Variants in PNPLA7 observed in about 807,000 individuals in gnomAD.
The protein encoded by PNPLA7 is patatin like domain 7, lysophospholipase.
Under a neutral mutation model 161.7 loss-of-function variants are expected in PNPLA7, and 153 were observed. The ratio of observed to expected loss-of-function variants is 0.95; its 90% CI spans 0.83 to 1.08. PNPLA7 has a LOEUF of 1.08. Ranked by LOEUF, PNPLA7 falls within the 50% of genes least tolerant of loss-of-function variation. The pLI is 0.00. For missense variants in PNPLA7, 1,739 were observed against 1,856.6 expected (o/e 0.94, Z 1.16); for synonymous variants, 809 against 782.1 (o/e 1.03, Z -0.57).
intron 1 of PNPLA7, among the ~76,000 whole-genome samples, chr9:137,548,207 C>T (rs985956775): frequency 4.6e-5 from 7 of 152,070 alleles, no homozygotes; most frequent in East Asian, 1.9e-4. Flanking sequence ...GGTGAGTGAA[C>T]GACAGCAGAG....
chr9:137,505,187 CAAAAAAAAA>C (rs1030910942), intron 14 of PNPLA7, among the ~76,000 whole-genome samples: 21 of 57,048 alleles, frequency 3.7e-4, no homozygotes, highest in African/African-American at 1.6e-3. Context: ...GACTCTGTCT[CAAAAAAAAA>C]AAAAAAAAAA....
chr9:137,522,479 C>T lies in PNPLA7; in HGVS notation c.876+250G>A, dbSNP rs143642646. On this transcript the variant is annotated intron_variant, in intron 9 of 34. Transcript: ENST00000406427. ...TGCTGGGGTTACAGGCGTGAGCCGC[C>T]GCGCCCGGCCCCAGATTTTTAAAAT... 1.6e-3 allele frequency among the ~76,000 whole-genome samples: 248 copies of T among 152,376 alleles called. 2 individuals are homozygous for T. The highest frequency in any genetic ancestry group is 4.4e-3 in the African/African-American group (185 of 41,580).
chr9:137,481,099 C>G, intron 21 of PNPLA7, 76 bp from the exon 22 acceptor site: 1 of 1,486,560 alleles, frequency 6.7e-7, no homozygotes. Context: ...CGACACCCAG[C>G]AAGGTACCGA....
chr9:137,469,589 G>GTATA (rs1831624417), intron 25 of PNPLA7, among the ~76,000 whole-genome samples: 1 of 152,206 alleles, frequency 6.6e-6, no homozygotes, highest in African/African-American at 2.4e-5. Context: ...TTGTGAGAGA[G>GTATA]TATATATTTA....
intron 9 of PNPLA7, 61 bp downstream of exon 9, chr9:137,522,668 G>C (rs1835087805): frequency 6.3e-7 from 1 of 1,589,516 alleles, no homozygotes; most frequent in East Asian, 2.2e-5. Context: ...CCAAACCAGT[G>C]CCCAGGCCCC....
intron 12 of PNPLA7, chr9:137,509,441 G>A (rs1834094818): frequency 4.7e-6 from 1 of 214,832 alleles, no homozygotes; most frequent in Admixed American, 5.4e-5. Context: ...GAGTTTAGCT[G>A]GTATGAATGA....
intron 25 of PNPLA7, among the ~76,000 whole-genome samples, chr9:137,477,680 TG>T (rs1188974698): frequency 2.0e-5 from 3 of 152,212 alleles, no homozygotes; most frequent in Admixed American, 6.5e-5. Context: ...CTTGACCTCG[TG>T]ATCTGCCCGC....
chr9:137,488,434 G>C (rs1389876665), intron 20 of PNPLA7, among the ~76,000 whole-genome samples: 2 of 152,160 alleles, frequency 1.3e-5, no homozygotes, highest in African/African-American at 4.8e-5. Context: ...TCTGGCTCTG[G>C]GCCAGAAGGG....
At chr9:137,462,158 C>T (rs1284297209) in intron 31 of PNPLA7, 21 bp downstream of exon 31, 1 of 1,551,784 alleles carries the variant, frequency 6.4e-7, no homozygotes, top group Non-Finnish European at 8.7e-7. Context: ...GCCTCCGCCG[C>T]CGCGGGTGGC....
intron 8 of PNPLA7, among the ~76,000 whole-genome samples, chr9:137,525,318 A>G (rs1261616065): frequency 6.6e-6 from 1 of 152,228 alleles, no homozygotes; most frequent in Non-Finnish European, 1.5e-5. Context: ...ATAAAGACAC[A>G]AGACAAAGAG....
intron 33 of PNPLA7, 49 bp from the exon 34 acceptor site, chr9:137,460,786 G>A (rs368737427): frequency 1.1e-4 from 171 of 1,534,410 alleles, no homozygotes; most frequent in Non-Finnish European, 1.4e-4. Context: ...GGAAGGGACC[G>A]TACCCAGCAT....
chr9:137,528,201 T>G (rs1220094215), intron 8 of PNPLA7, among the ~76,000 whole-genome samples: 2 of 152,218 alleles, frequency 1.3e-5, no homozygotes, highest in Non-Finnish European at 2.9e-5. Context: ...AGCTTTTGGT[T>G]TCATTCATTT....
chr9:137,474,430 A>G (rs575762456), intron 25 of PNPLA7, among the ~76,000 whole-genome samples: 1 of 152,290 alleles, frequency 6.6e-6, no homozygotes, highest in South Asian at 2.1e-4. Context: ...ATGTCGCGTG[A>G]TCAACGCCAG....
chr9:137,473,072 G>A (rs958123953), intron 25 of PNPLA7, among the ~76,000 whole-genome samples: 8 of 152,218 alleles, frequency 5.3e-5, no homozygotes, highest in African/African-American at 1.9e-4. Context: ...GGCAGGCAAG[G>A]GCACATGTGC....
intron 20 of PNPLA7, among the ~76,000 whole-genome samples, chr9:137,487,299 G>A (rs1168409864): frequency 6.6e-6 from 1 of 152,262 alleles, no homozygotes; most frequent in Non-Finnish European, 1.5e-5. Flanking sequence ...CTGGAGACGT[G>A]CAGAGGCATC....
chr9:137,475,249 C>T (rs904749896), intron 25 of PNPLA7, among the ~76,000 whole-genome samples: 10 of 152,170 alleles, frequency 6.6e-5, no homozygotes, highest in African/African-American at 1.2e-4. Context: ...CAGTGGCTCA[C>T]GCCTGTAATC....
At chr9:137,501,842 C>T (rs1833443327) in intron 14 of PNPLA7, 115 bp from the exon 15 acceptor site, 2 of 1,047,898 alleles carry the variant, frequency 1.9e-6, no homozygotes, top group Admixed American at 2.2e-5. Context: ...AGAGGCCGGG[C>T]AAGGCCCTCC....
At position 137,480,737 on chromosome 9, in the gene PNPLA7, G is replaced by A. The variant is rs188786932; in HGVS notation, c.2411+223C>T. 557 of 719,984 alleles carry A rather than the reference G, an allele frequency of 7.7e-4. 3 individuals carry two copies. The African/African-American group carries it at 8.8e-3, about 11-fold the overall frequency. The allele number at this position is 719,984 out of a possible 1,614,324, so 44.6% of individuals were successfully genotyped here. ...GAGTGAGACCCGGGGCTGCCCAGGCGGGAAGCGGGGGCTGGGGTCCCCTGG... is the reference window on the plus strand; with the variant it reads ...GAGTGAGACCCGGGGCTGCCCAGGCAGGAAGCGGGGGCTGGGGTCCCCTGG... On this transcript the variant is annotated intron_variant, in intron 22 of 34. Coordinates refer to ENST00000406427, the MANE Select transcript of PNPLA7 (RefSeq NM_001098537.3).
rs1332671081 is a variant in PNPLA7, at chr9:137,500,700, T to C, written c.1748A>G (p.His583Arg). Residue 583 changes from histidine (H) to arginine (R), a missense_variant, in exon 16 of 35, where the codon CAC (histidine) becomes CGC (arginine). His to Arg is a conservative substitution (Grantham distance 29, BLOSUM62 0). Coordinates refer to ENST00000406427, the MANE Select transcript of PNPLA7 (RefSeq NM_001098537.3). The surrounding 1 kb of genome is among the most constrained non-coding windows in gnomAD (Gnocchi z 5.5). The part of the protein sequence containing the change: ...DCSFLSISKA[H>R]FYEIMRKQPT... ...GGCCCGTGGGACTCACTCATAGAAG[T>C]GGGCCTTGGAGATGGACAGGAAGCT... is the stretch of plus-strand genomic sequence containing the variant. 6.2e-7 allele frequency: 1 copy of C among 1,612,092 alleles called. No individual in the cohort carries two copies. The highest frequency in any genetic ancestry group is 1.1e-5 in the South Asian group (1 of 90,908).
Sources: allele counts gnomAD v4.1 joint callset (sites outside exome capture counted in the v4.1 genomes callset), GRCh38; gene constraint gnomAD v4.1.1; non-coding constraint Gnocchi (gnomAD v3.1); transcripts MANE v1.5; gene names NCBI Gene and HGNC (gene_info 2026-07-23, HGNC 2026-07-21).